Variants in BCAS3 observed in about 807,000 individuals in gnomAD.
BCAS3 encodes BCAS4/BCAS3 fusion.
BCAS3 carries 53 observed loss-of-function variants against 116.1 expected under a neutral mutation model. That is an observed-to-expected ratio of 0.46 (90% CI 0.37 to 0.57). The LOEUF is 0.57. Among genes scored for constraint, BCAS3 ranks in the 20% least tolerant of loss-of-function variants. The pLI, the probability that BCAS3 is intolerant of heterozygous loss-of-function variation, is 0.00. For synonymous variants in BCAS3, 391 were observed against 408.2 expected (o/e 0.96, Z 0.51); for missense variants, 917 against 1,165.4 (o/e 0.79, Z 3.10).
At chr17:61,246,517 A>G (rs1433833659) in intron 22 of BCAS3, among the ~76,000 whole-genome samples, 3 of 142,746 alleles carry the variant, frequency 2.1e-5, no homozygotes, top group Non-Finnish European at 4.5e-5. Context: ...TGTTTCCCCC[A>G]GTCCCCTAGG....
chr17:60,816,509 G>A (rs1171651907), intron 7 of BCAS3, among the ~76,000 whole-genome samples: 4 of 151,926 alleles, frequency 2.6e-5, no homozygotes, highest in East Asian at 1.9e-4. Context: ...TCCTGACCTC[G>A]TGATCCGCCC....
chr17:61,111,011 C>A (rs1221892204), intron 22 of BCAS3, among the ~76,000 whole-genome samples: 1 of 152,022 alleles, frequency 6.6e-6, no homozygotes, highest in Non-Finnish European at 1.5e-5. Context: ...TCCAACAGAC[C>A]TGCAGCTGAG....
At chr17:60,968,873 C>T (rs762544114) in intron 14 of BCAS3, among the ~76,000 whole-genome samples, 9 of 152,138 alleles carry the variant, frequency 5.9e-5, no homozygotes, top group Non-Finnish European at 1.3e-4. Context: ...TTTCTCCCAT[C>T]AGGCAGCCAC....
At chr17:60,975,166 T>C (rs1297443751) in intron 14 of BCAS3, among the ~76,000 whole-genome samples, 1 of 149,754 alleles carries the variant, frequency 6.7e-6, no homozygotes, top group East Asian at 2.0e-4. Context: ...CGCGCCCGGC[T>C]AATTTTTTGT....
chr17:61,150,552 G>A (rs973282149), intron 22 of BCAS3, among the ~76,000 whole-genome samples: 1 of 152,212 alleles, frequency 6.6e-6, no homozygotes, highest in African/African-American at 2.4e-5. Flanking sequence ...TCTGCTACCA[G>A]TATAGAGTTT....
chr17:60,683,936 A>G, intron 2 of BCAS3, 46 bp from the exon 3 acceptor site: 2 of 1,496,536 alleles, frequency 1.3e-6, no homozygotes, highest in Non-Finnish European at 1.9e-6. Context: ...TTCATGTTCT[A>G]TATTAAGCTC....
chr17:61,084,128 C>T lies in BCAS3; in HGVS notation c.2328-339C>T, dbSNP rs1342564574. ...TCTTCATGTGTGTCCCTTGGAAATC[C>T]CAAAGGTTTCAGTATAAACATTTTC... On this transcript the variant is annotated intron_variant, in intron 21 of 23. Transcript: ENST00000407086. This position sits in a 1 kb window ranked among gnomAD's most constrained non-coding sequence, Gnocchi z 5.5. 6.6e-6 allele frequency among the ~76,000 whole-genome samples: 1 copy of T among 152,126 alleles called. No homozygotes were observed. The highest frequency in any genetic ancestry group is 1.5e-5 in the Non-Finnish European group (1 of 68,028).
At chr17:60,811,355 C>A in intron 7 of BCAS3, 2 of 645,664 alleles carry the variant, frequency 3.1e-6, no homozygotes, top group East Asian at 3.6e-5. Context: ...TGGTGATACC[C>A]CAGACAGCAG....
At chr17:61,078,073 G>C (rs980765394) in intron 20 of BCAS3, among the ~76,000 whole-genome samples, 1 of 152,158 alleles carries the variant, frequency 6.6e-6, no homozygotes, top group African/African-American at 2.4e-5. Context: ...TGTGTGTGAG[G>C]TGTGCATGTG....
intron 6 of BCAS3, among the ~76,000 whole-genome samples, chr17:60,805,759 C>T (rs563033934): frequency 3.2e-4 from 48 of 150,306 alleles, no homozygotes; most frequent in African/African-American, 1.1e-3. Flanking sequence ...ACCTGGGAGG[C>T]GGAGGTTGCA....
intron 16 of BCAS3, among the ~76,000 whole-genome samples, chr17:61,024,216 C>A (rs1295806499): frequency 6.6e-6 from 1 of 152,158 alleles, no homozygotes. Context: ...ACTATCCATA[C>A]AAAGACAGTA....
rs771317478 is a variant in BCAS3, at chr17:61,134,893, T to C, written c.2425+50329T>C. 1.3e-5 allele frequency among the ~76,000 whole-genome samples: 2 copies of C among 152,224 alleles called. No homozygotes were observed. The highest frequency in any genetic ancestry group is 4.8e-5 in the African/African-American group (2 of 41,460). On this transcript the variant is annotated intron_variant, in intron 22 of 23. Coordinates refer to ENST00000407086, the MANE Select transcript of BCAS3 (RefSeq NM_017679.5). This position sits in a 1 kb window ranked among gnomAD's most constrained non-coding sequence, Gnocchi z 4.6. ...TCTACTTTTCTCTTAGATTGTTGTT[T>C]TGTTTTTTTTTGAAATAAAACATTT...
At chr17:60,816,821 G>C (rs1439262198) in intron 7 of BCAS3, among the ~76,000 whole-genome samples, 2 of 152,174 alleles carry the variant, frequency 1.3e-5, no homozygotes, top group African/African-American at 2.4e-5. Context: ...TTAGAAGAAA[G>C]CTCATTGGCG....
intron 19 of BCAS3, among the ~76,000 whole-genome samples, chr17:61,067,273 G>GTATTATATATATA (rs1555696736): frequency 3.4e-5 from 2 of 58,800 alleles, no homozygotes; most frequent in Non-Finnish European, 5.7e-5. Context: ...GTGTGTATGT[G>GTATTATATATATA]TATATATATA....
chr17:61,342,647 CT>C (rs200551663), intron 22 of BCAS3, among the ~76,000 whole-genome samples: 158 of 152,330 alleles, frequency 1.0e-3, no homozygotes, highest in African/African-American at 3.6e-3. Flanking sequence ...TGCTGACCCC[CT>C]GTTACAGTCC....
chr17:60,970,176 T>C (rs982419450), intron 14 of BCAS3, among the ~76,000 whole-genome samples: 1 of 152,198 alleles, frequency 6.6e-6, no homozygotes, highest in South Asian at 2.1e-4. Context: ...ATGACAACTA[T>C]AGCACAAAGA....
intron 15 of BCAS3, among the ~76,000 whole-genome samples, chr17:61,003,048 G>A (rs2064368138): frequency 6.6e-6 from 1 of 151,578 alleles, no homozygotes. Flanking sequence ...ATTCCCCAGA[G>A]GCCTCTTCTT....
At chr17:61,081,449 A>G (rs1013272644) in intron 21 of BCAS3, among the ~76,000 whole-genome samples, 17 of 152,274 alleles carry the variant, frequency 1.1e-4, no homozygotes, top group Admixed American at 5.2e-4. Flanking sequence ...CCCTTTGTTA[A>G]TAATAATAAA....
chr17:60,769,299 G>A (rs930315650), intron 6 of BCAS3, among the ~76,000 whole-genome samples: 1 of 152,196 alleles, frequency 6.6e-6, no homozygotes, highest in African/African-American at 2.4e-5. Context: ...TGTCTTTGCT[G>A]CAGTCCTGCC....
Sources: gnomAD v4.1 joint callset for allele counts (sites outside exome capture counted in the v4.1 genomes callset) on GRCh38, gnomAD v4.1.1 for gene constraint, Gnocchi (gnomAD v3.1) non-coding constraint, MANE v1.5 for transcripts, NCBI Gene and HGNC (gene_info 2026-07-23, HGNC 2026-07-21) for gene names.